The following ARID5B variants were observed in gnomAD, a reference collection of about 807,000 sequenced individuals.
The protein encoded by ARID5B is AT-rich interaction domain 5B, also known as AT-rich interactive domain-containing protein 5B.
A neutral mutation model predicts 97.2 loss-of-function variants in ARID5B; 13 were observed. That is an observed-to-expected ratio of 0.13 (90% CI 0.09 to 0.21). ARID5B has a LOEUF of 0.21. Among genes scored for constraint, ARID5B ranks in the 10% least tolerant of loss-of-function variants. The probability of loss-of-function intolerance (pLI) is 1.00; values close to 1 mark genes in which losing one functional copy is unlikely to be tolerated. For synonymous variants in ARID5B, 556 were observed against 570.3 expected (o/e 0.97, Z 0.36); for missense variants, 1,210 against 1,465.3 (o/e 0.83, Z 2.84).
chr10:62,067,523 C>T (rs1044243229), intron 7 of ARID5B, among the ~76,000 whole-genome samples: 1 of 152,374 alleles, frequency 6.6e-6, no homozygotes, highest in East Asian at 1.9e-4. Context: ...TTGGGAAAGA[C>T]TCAAAGCTAA....
intron 3 of ARID5B, among the ~76,000 whole-genome samples, chr10:61,943,470 G>GC (rs11403206): frequency 0.58 from 86,541 of 147,988 alleles, 25,305 homozygotes; most frequent in East Asian, 0.62. Context: ...ATTATTTGAG[G>GC]CCCCCCCCCT....
chr10:62,033,921 C>T (rs2132908514), intron 4 of ARID5B, among the ~76,000 whole-genome samples: 1 of 152,302 alleles, frequency 6.6e-6, no homozygotes, highest in East Asian at 1.9e-4. Flanking sequence ...GTTGCCTGCT[C>T]TCAAAGCCCG....
Position 62,093,706 on chromosome 10 carries a change from G to A in ARID5B, c.*676G>A, listed in dbSNP as rs1001015793. On this transcript the variant is annotated 3_prime_UTR_variant, in exon 10 of 10. Transcript: ENST00000279873. ...TAAATGGTATTGCTTTTGTTTGCAG[G>A]TCTTTTTGTTTTTGTTTTGTTTTTG... 1 of 161,496 alleles carries A rather than the reference G, an allele frequency of 6.2e-6. No homozygotes were observed. The highest frequency in any genetic ancestry group is 3.9e-5 in the African/African-American group (1 of 25,884). 10.0% of individuals were successfully genotyped at this position (161,496 alleles called of 1,614,324 possible).
intron 4 of ARID5B, among the ~76,000 whole-genome samples, chr10:62,011,868 C>A (rs531361707): frequency 1.3e-5 from 2 of 152,222 alleles, no homozygotes; most frequent in African/African-American, 4.8e-5. Flanking sequence ...AATGCCATCC[C>A]CCAAAATGTG....
At chr10:61,950,234 C>T (rs1838304946) in intron 3 of ARID5B, among the ~76,000 whole-genome samples, 1 of 152,200 alleles carries the variant, frequency 6.6e-6, no homozygotes, top group Non-Finnish European at 1.5e-5. Context: ...TCTTGAACTC[C>T]TGACCTCGTG....
chr10:61,942,650 C>T (rs190473927), intron 3 of ARID5B, among the ~76,000 whole-genome samples: 5 of 152,066 alleles, frequency 3.3e-5, no homozygotes, highest in African/African-American at 1.2e-4. Context: ...AAATTAGTCA[C>T]GTGTGGTGGC....
chr10:62,030,237 C>T (rs181555222), intron 4 of ARID5B, among the ~76,000 whole-genome samples: 1 of 151,920 alleles, frequency 6.6e-6, no homozygotes, highest in Non-Finnish European at 1.5e-5. Flanking sequence ...TCAAGCGATT[C>T]TCCTGTCTCA....
intron 2 of ARID5B, among the ~76,000 whole-genome samples, chr10:61,926,637 T>C (rs1186956848): frequency 6.6e-6 from 1 of 151,956 alleles, no homozygotes; most frequent in Non-Finnish European, 1.5e-5. Flanking sequence ...TGAGACAGAG[T>C]CTCGCTCTGT....
In ARID5B at chr10:62,057,133, G is replaced by A; in HGVS notation, c.863G>A (p.Arg288Lys). The stretch of plus-strand genomic sequence containing the variant: ...CTTTTCCAGGTGAAATGTGAGGCCA[G>A]GTCAGCCTTGACCAAGCCGAAGAAT... Reference protein sequence around the residue: ...KAVAKVKCEARSALTKPKNNH... With the variant: ...KAVAKVKCEAKSALTKPKNNH... Residue 288 changes from arginine (R) to lysine (K), a missense_variant, in exon 6 of 10, where the codon AGG becomes AAG. Around this residue, in one of 8 missense-constraint regions of ARID5B, gnomAD observed 132 missense variants for 156.7 expected, o/e 0.84. Transcript: ENST00000279873. 1 of 1,613,604 alleles carries A rather than the reference G, an allele frequency of 6.2e-7. No individual in the cohort carries two copies. The highest frequency in any genetic ancestry group is 1.1e-5 in the South Asian group (1 of 91,074).
chr10:61,927,175 G>A (rs181191369), intron 2 of ARID5B, among the ~76,000 whole-genome samples: 1 of 152,214 alleles, frequency 6.6e-6, no homozygotes, highest in African/African-American at 2.4e-5. Context: ...CTGCTCAAGA[G>A]ATAATATATA....
intron 3 of ARID5B, among the ~76,000 whole-genome samples, chr10:61,977,048 C>G (rs1838710284): frequency 6.6e-6 from 1 of 152,138 alleles, no homozygotes; most frequent in African/African-American, 2.4e-5. Flanking sequence ...TGTCATGTTC[C>G]ACTTCCTGTG....
chr10:62,050,908 C>T lies in ARID5B; in HGVS notation c.754C>T (p.Pro252Ser). Residue 252 changes from proline (P) to serine (S), a missense_variant, in exon 5 of 10, where the codon CCA becomes TCA. Around this residue, in one of 8 missense-constraint regions of ARID5B, gnomAD observed 132 missense variants for 156.7 expected, o/e 0.84. Coordinates refer to ENST00000279873, the MANE Select transcript of ARID5B (RefSeq NM_032199.3). ...TTCAGCGCCAAATCTTAAAGGCAGA[C>T]CACGCAAAAAGAAACCATGCCCACA... Reference protein sequence around the residue: ...DEFAPNLKGRPRKKKPCPQRR... With the variant: ...DEFAPNLKGRSRKKKPCPQRR... The T allele has an allele frequency of 6.2e-7, 1 of 1,614,118 alleles. No homozygotes were observed. The highest frequency in any genetic ancestry group is 1.7e-5 in the Admixed American group (1 of 60,022).
rs747189859 is a variant in ARID5B at position 62,086,690 on chromosome 10, CAAA to C, written c.1398+810_1398+812del. On this transcript the variant is annotated intron_variant, in intron 9 of 9. Transcript: ENST00000279873. Reference sequence around the variant, plus strand: ...TGGGTGACAGAGCAAGACTCCATCTCAAAAAAAAAAAAAAAAAAAAAATATCAG... The same window carrying C: ...TGGGTGACAGAGCAAGACTCCATCTCAAAAAAAAAAAAAAAAAAATATCAG... 1.7e-4 allele frequency among the ~76,000 whole-genome samples: 4 copies of C among 23,794 alleles called. No individual in the cohort carries two copies. In the South Asian group the frequency reaches 4.8e-3, roughly 29 times the overall value. The allele number at this position is 23,794 out of a possible 152,430, so 15.6% of individuals were successfully genotyped here. A position where few individuals can be genotyped will look rare whatever the true frequency, so the allele number is the denominator to read the frequency against.
intron 4 of ARID5B, among the ~76,000 whole-genome samples, chr10:62,032,520 G>T (rs1839509965): frequency 6.6e-6 from 1 of 152,036 alleles, no homozygotes; most frequent in East Asian, 1.9e-4. Flanking sequence ...TTTGAGACCA[G>T]CCTGGCCAAC....
At chr10:62,019,355 G>A (rs1204147999) in intron 4 of ARID5B, among the ~76,000 whole-genome samples, 2 of 152,122 alleles carry the variant, frequency 1.3e-5, no homozygotes, top group Non-Finnish European at 2.9e-5. Context: ...TACGGCACTG[G>A]CAGCCTCGGG....
intron 3 of ARID5B, among the ~76,000 whole-genome samples, chr10:61,973,040 C>A (rs1564617004): frequency 6.6e-6 from 1 of 152,166 alleles, no homozygotes; most frequent in Non-Finnish European, 1.5e-5. Flanking sequence ...AGCTCTCAGA[C>A]TATGATGAGG....
intron 3 of ARID5B, among the ~76,000 whole-genome samples, chr10:61,940,827 G>A (rs1844386511): frequency 6.7e-6 from 1 of 148,568 alleles, no homozygotes; most frequent in Admixed American, 6.8e-5. Flanking sequence ...GTTCCTCAAT[G>A]TGGAGCAAGA....
chr10:62,032,093 G>T (rs917490884), intron 4 of ARID5B, among the ~76,000 whole-genome samples: 3 of 152,182 alleles, frequency 2.0e-5, no homozygotes, highest in Admixed American at 6.5e-5. Context: ...TCTGGAGGCT[G>T]AGGTGGTAAG....
chr10:62,069,812 C>A lies in ARID5B; in HGVS notation c.1199+15C>A, dbSNP rs1306600642. On this transcript the variant is annotated intron_variant, in intron 8 of 9. Coordinates refer to ENST00000279873, the MANE Select transcript of ARID5B (RefSeq NM_032199.3). ...CATTATGAAAGGTAAGAAACCATTT[C>A]ATGGAATTGCTTAGTTAAAAGTGTG... 4.3e-6 allele frequency: 7 copies of A among 1,611,474 alleles called. No individual in the cohort carries two copies. Among genetic ancestry groups the A allele is most frequent in the Non-Finnish European group, 5.1e-6 (6 of 1,177,814 alleles).
Sources: allele counts gnomAD v4.1 joint callset (sites outside exome capture counted in the v4.1 genomes callset), GRCh38; gene constraint gnomAD v4.1.1; regional missense constraint gnomAD v4.1.1; transcripts MANE v1.5; gene names NCBI Gene and HGNC (gene_info 2026-07-23, HGNC 2026-07-21).